The following LINGO1 variants were observed in gnomAD, a reference collection of about 807,000 sequenced individuals.
LINGO1 encodes the protein leucine rich repeat and Ig domain containing 1.
LINGO1 carries 11 observed loss-of-function variants against 37.3 expected under a neutral mutation model. The ratio of observed to expected loss-of-function variants is 0.29; its 90% CI spans 0.19 to 0.49. The LOEUF (loss-of-function observed/expected upper bound fraction) is 0.49, where lower values mean the gene tolerates loss of function less well. Ranked by LOEUF, LINGO1 falls within the 20% of genes least tolerant of loss-of-function variation. The pLI is 0.99. For missense variants in LINGO1, 585 were observed against 878.2 expected (o/e 0.67, Z 4.22); for synonymous variants, 387 against 403.0 (o/e 0.96, Z 0.48).
intron 1 of LINGO1, among the ~76,000 whole-genome samples, chr15:77,622,210 AAG>A (rs1306815876): frequency 6.6e-6 from 1 of 152,058 alleles, no homozygotes; most frequent in Non-Finnish European, 1.5e-5. Context: ...AGGAGAGGGA[AAG>A]AGAGAGAAAC....
At chr15:77,721,806 C>T (rs561573418) in intron 2 of LINGO1, among the ~76,000 whole-genome samples, 302 of 152,268 alleles carry the variant, frequency 2.0e-3, no homozygotes, top group African/African-American at 7.1e-3. Flanking sequence ...ACTTCATCCT[C>T]CCACCCCGGG....
chr15:77,754,618 G>A (rs2076402482), intron 1 of LINGO1, among the ~76,000 whole-genome samples: 1 of 152,254 alleles, frequency 6.6e-6, no homozygotes, highest in Non-Finnish European at 1.5e-5. Context: ...GCAGTGGGTG[G>A]CAGTCCCAGC....
chr15:77,780,430 G>A lies in LINGO1; in HGVS notation c.-257+6439C>T, dbSNP rs114342720. On this transcript the variant is annotated intron_variant, in intron 1 of 3. Transcript: ENST00000561686. The stretch of plus-strand genomic sequence containing the variant: ...TAAGGGGTTGGAAATGCCCCCAAGT[G>A]CAGCCTTATCTGGGAAGCAGCTCAA... Among the ~76,000 whole-genome samples, 3 of 152,094 alleles carry A rather than the reference G, an allele frequency of 2.0e-5. No individual in the cohort carries two copies. In the East Asian group the frequency reaches 5.8e-4, roughly 29 times the overall value.
At chr15:77,677,531 C>T (rs2075348433) in intron 2 of LINGO1, among the ~76,000 whole-genome samples, 1 of 152,114 alleles carries the variant, frequency 6.6e-6, no homozygotes, top group Non-Finnish European at 1.5e-5. Flanking sequence ...GACAACCCCA[C>T]CCCATTCTCT....
At chr15:77,707,665 T>C (rs1366624583) in intron 2 of LINGO1, among the ~76,000 whole-genome samples, 1 of 152,162 alleles carries the variant, frequency 6.6e-6, no homozygotes, top group Non-Finnish European at 1.5e-5. Flanking sequence ...CTGAACCTAT[T>C]GGCCTCCAGA....
chr15:77,727,234 CAT>C (rs1234295781), intron 2 of LINGO1, among the ~76,000 whole-genome samples: 1 of 152,108 alleles, frequency 6.6e-6, no homozygotes, highest in African/African-American at 2.4e-5. Flanking sequence ...TATGTGTGTG[CAT>C]ATATATACAT....
At chr15:77,744,220 C>T (rs1420513617) in intron 1 of LINGO1, among the ~76,000 whole-genome samples, 1 of 147,198 alleles carries the variant, frequency 6.8e-6, no homozygotes, top group Non-Finnish European at 1.5e-5. Context: ...AGTCCCTAAC[C>T]TCTCTGACCC....
chr15:77,713,210 TTGTGTGTGTGTGTGTGTGTGTGTGTGTG>T (rs57831674), intron 2 of LINGO1, among the ~76,000 whole-genome samples: 1 of 123,722 alleles, frequency 8.1e-6, no homozygotes, highest in Non-Finnish European at 1.6e-5. Context: ...GCCCAGCTAA[TTGTGTGTGTGTGTGTGTGTGTGTGTGTG>T]TGTGTGTGTG....
chr15:77,789,596 G>A (rs572136697), upstream of LINGO1, among the ~76,000 whole-genome samples: 3 of 152,294 alleles, frequency 2.0e-5, no homozygotes, highest in East Asian at 5.8e-4. Context: ...GACAGAGTGA[G>A]ACTCCATCTC....
At chr15:77,659,745 C>A (rs914286851) in intron 3 of LINGO1, among the ~76,000 whole-genome samples, 1 of 151,956 alleles carries the variant, frequency 6.6e-6, no homozygotes, top group Non-Finnish European at 1.5e-5. Context: ...GACCATGGGG[C>A]GTGCCACCTG....
chr15:77,620,188 A>C (rs562521417), intron 1 of LINGO1, among the ~76,000 whole-genome samples: 54 of 151,974 alleles, frequency 3.6e-4, no homozygotes, highest in African/African-American at 1.1e-3. Flanking sequence ...TCAGTGTTTT[A>C]TTTTGGATCC....
At chr15:77,732,900 G>C (rs927993134) in intron 2 of LINGO1, among the ~76,000 whole-genome samples, 9 of 152,148 alleles carry the variant, frequency 5.9e-5, no homozygotes, top group African/African-American at 2.2e-4. Flanking sequence ...ATAAATAATC[G>C]AAGGTGCTCT....
intron 2 of LINGO1, among the ~76,000 whole-genome samples, chr15:77,724,272 C>A (rs974158761): frequency 6.6e-6 from 1 of 152,240 alleles, no homozygotes; most frequent in African/African-American, 2.4e-5. Flanking sequence ...TGCACCGACT[C>A]AGCATCAGGG....
At chr15:77,623,651 CG>C (rs928646866) in intron 1 of LINGO1, among the ~76,000 whole-genome samples, 23 of 152,150 alleles carry the variant, frequency 1.5e-4, no homozygotes, top group African/African-American at 2.4e-5. Flanking sequence ...GCCGTCTCCC[CG>C]GGGGTTGGTC....
At chr15:77,797,799 A>C (rs1266996367) in intron 1 of LINGO1, among the ~76,000 whole-genome samples, 1 of 152,224 alleles carries the variant, frequency 6.6e-6, no homozygotes, top group Non-Finnish European at 1.5e-5. Context: ...GGTGACAGCT[A>C]TAATGTGGGC....
At chr15:77,679,931 G>A (rs1289479924) in intron 2 of LINGO1, among the ~76,000 whole-genome samples, 1 of 152,198 alleles carries the variant, frequency 6.6e-6, no homozygotes, top group Non-Finnish European at 1.5e-5. Context: ...TCTGAAAATG[G>A]TCCCACAACA....
chr15:77,784,106 C>T (rs560400127), intron 1 of LINGO1, among the ~76,000 whole-genome samples: 2 of 152,334 alleles, frequency 1.3e-5, no homozygotes, highest in Admixed American at 1.3e-4. Flanking sequence ...TGCTGAGAGA[C>T]AATCTGTCAG....
intron 1 of LINGO1, among the ~76,000 whole-genome samples, chr15:77,779,213 A>G (rs964915806): frequency 6.6e-6 from 1 of 151,966 alleles, no homozygotes; most frequent in Admixed American, 6.6e-5. Context: ...TGACATGATC[A>G]CTACCTAACA....
intron 2 of LINGO1, among the ~76,000 whole-genome samples, chr15:77,717,926 C>G (rs964977523): frequency 5.3e-5 from 8 of 150,986 alleles, no homozygotes; most frequent in Admixed American, 2.0e-4. Context: ...CTCATCTGGG[C>G]AGTGGAGTCA....
Sources: gnomAD v4.1 joint callset for allele counts (sites outside exome capture counted in the v4.1 genomes callset) on GRCh38, gnomAD v4.1.1 for gene constraint, MANE v1.5 for transcripts, NCBI Gene and HGNC (gene_info 2026-07-23, HGNC 2026-07-21) for gene names.